Variants in LYPD6 observed in about 807,000 individuals in gnomAD.
LYPD6 encodes ly6/PLAUR domain-containing protein 6.
Under a neutral mutation model 22.7 loss-of-function variants are expected in LYPD6, and 15 were observed. The observed-to-expected ratio is 0.66, with a 90% CI of 0.44 to 1.02. The LOEUF (loss-of-function observed/expected upper bound fraction) is 1.02. Among genes scored for constraint, LYPD6 ranks in the 50% least tolerant of loss-of-function variants. The pLI, the probability that LYPD6 is intolerant of heterozygous loss-of-function variation, is 0.00. For missense variants in LYPD6, 189 were observed against 208.4 expected (o/e 0.91, Z 0.57); for synonymous variants, 72 against 77.5 (o/e 0.93, Z 0.37).
At position 149,473,029 on chromosome 2, in the gene LYPD6, T is replaced by C. The variant is rs890249880; in HGVS notation, c.*2179T>C. The C allele has an allele frequency of 3.3e-5, 5 of 152,524 alleles. No homozygotes were observed. Among genetic ancestry groups the C allele is most frequent in the African/African-American group, 1.2e-4 (5 of 41,464 alleles). 9.4% of individuals were successfully genotyped at this position (152,524 alleles called of 1,614,324 possible). On this transcript the variant is annotated 3_prime_UTR_variant, in exon 5 of 5. Coordinates refer to ENST00000334166, the MANE Select transcript of LYPD6 (RefSeq NM_194317.5). ...TGGCTTCCTCATTCATCCCTCTTGC[T>C]AAAAGAGGAGATAGTTGATGTTGCA...
In LYPD6 at chr2:149,453,865, T is replaced by G. The variant is rs6761460; in HGVS notation, c.217+4718T>G. The stretch of plus-strand genomic sequence containing the variant: ...ATATAGCCCTCCAATTTTTTTTCAT[T>G]TATACAGGAGTCTCTGTTGTCTCTC... On this transcript the variant is annotated intron_variant, in intron 3 of 4. Coordinates refer to ENST00000334166, the MANE Select transcript of LYPD6 (RefSeq NM_194317.5). 7.6e-3 allele frequency among the ~76,000 whole-genome samples: 1,161 copies of G among 152,330 alleles called. 14 individuals carry two copies. Among genetic ancestry groups the G allele is most frequent in the African/African-American group, 0.026 (1,083 of 41,574 alleles).
chr2:149,408,059 T>C (rs181170712), intron 1 of LYPD6, among the ~76,000 whole-genome samples: 1 of 152,274 alleles, frequency 6.6e-6, no homozygotes, highest in African/African-American at 2.4e-5. Flanking sequence ...ATTTTCGTGA[T>C]CTGCGAATGC....
intron 1 of LYPD6, among the ~76,000 whole-genome samples, chr2:149,366,496 G>A (rs1157443098): frequency 6.6e-6 from 1 of 152,160 alleles, no homozygotes; most frequent in Non-Finnish European, 1.5e-5. Context: ...GAGAACCAGA[G>A]CTAGGTGATT....
chr2:149,398,413 T>TTGTG (rs10584410), intron 1 of LYPD6, among the ~76,000 whole-genome samples: 175 of 147,856 alleles, frequency 1.2e-3, no homozygotes, highest in African/African-American at 3.5e-3. Context: ...AAAGATGGCT[T>TTGTG]TGTGTGTGTG....
At chr2:149,481,234 T>TGACAC in the LYPD6 span, among the ~76,000 whole-genome samples, 14 of 152,182 alleles carry the variant, frequency 9.2e-5, no homozygotes, top group Non-Finnish European at 1.8e-4. Flanking sequence ...AGCTAGTAAG[T>TGACAC]GACACAACAA....
At chr2:149,370,035 A>G (rs1681772052) in intron 1 of LYPD6, among the ~76,000 whole-genome samples, 1 of 152,096 alleles carries the variant, frequency 6.6e-6, no homozygotes, top group African/African-American at 2.4e-5. Flanking sequence ...GCTGGCAGGA[A>G]AGTGGGGTGC....
chr2:149,462,123 A>G (rs1681100105), intron 3 of LYPD6, among the ~76,000 whole-genome samples: 1 of 119,268 alleles, frequency 8.4e-6, no homozygotes, highest in Non-Finnish European at 1.9e-5. Flanking sequence ...CACAGACAAC[A>G]TGATTTCTAT....
At chr2:149,396,031 C>T (rs561351662) in intron 1 of LYPD6, among the ~76,000 whole-genome samples, 79 of 152,152 alleles carry the variant, frequency 5.2e-4, no homozygotes, top group Admixed American at 1.3e-3. Context: ...AGAATTTTAA[C>T]GAATATTTAC....
intron 1 of LYPD6, among the ~76,000 whole-genome samples, chr2:149,403,460 T>C (rs2105111785): frequency 6.7e-6 from 1 of 149,456 alleles, no homozygotes; most frequent in Middle Eastern, 3.6e-3. Context: ...GTGGTTTTGA[T>C]TTGCATTTCT....
In LYPD6 at chr2:149,431,615, T is replaced by C. The variant is rs1683314117; in HGVS notation, c.-71-6023T>C. Reference sequence around the variant, plus strand: ...GAATAAACAGTCCTGCCCATCCTGTTTTTCTCATGGAAAAGAGAGGTGGAA... The same window carrying C: ...GAATAAACAGTCCTGCCCATCCTGTCTTTCTCATGGAAAAGAGAGGTGGAA... On this transcript the variant is annotated intron_variant, in intron 1 of 4. Coordinates refer to ENST00000334166, the MANE Select transcript of LYPD6 (RefSeq NM_194317.5). Among the ~76,000 whole-genome samples, 2 of 152,194 alleles carry C rather than the reference T, an allele frequency of 1.3e-5. 1 individual carries two copies. Among genetic ancestry groups the C allele is most frequent in the South Asian group, 4.1e-4 (2 of 4,828 alleles).
At chr2:149,397,895 C>G (rs1682460383) in intron 1 of LYPD6, among the ~76,000 whole-genome samples, 1 of 151,624 alleles carries the variant, frequency 6.6e-6, no homozygotes, top group Non-Finnish European at 1.5e-5. Flanking sequence ...TTTGGAGGTT[C>G]TAGAAAATAT....
intron 1 of LYPD6, among the ~76,000 whole-genome samples, chr2:149,355,595 T>A (rs1262668206): frequency 1.3e-5 from 2 of 152,158 alleles, no homozygotes; most frequent in Non-Finnish European, 2.9e-5. Flanking sequence ...TATGCACATA[T>A]ATCCACATAT....
At position 149,473,583 on chromosome 2, in the gene LYPD6, A is replaced by G. The variant is rs1329613561; in HGVS notation, c.*2733A>G. ...GGATTAATGCCTAAACTTTGTAAAT[A>G]TTGTACAGTTTGTAAATCAATGAAT... On this transcript the variant is annotated 3_prime_UTR_variant, in exon 5 of 5. Coordinates refer to ENST00000334166, the MANE Select transcript of LYPD6 (RefSeq NM_194317.5). The G allele has an allele frequency of 1.3e-5, 2 of 152,328 alleles. No individual in the cohort carries two copies. Among genetic ancestry groups the G allele is most frequent in the Non-Finnish European group, 2.9e-5 (2 of 68,048 alleles). The allele number at this position is 152,328 out of a possible 1,614,324, so 9.4% of individuals were successfully genotyped here. A position where few individuals can be genotyped will look rare whatever the true frequency, so the allele number is the denominator to read the frequency against.
chr2:149,385,437 T>C (rs1293993833), intron 1 of LYPD6, among the ~76,000 whole-genome samples: 1 of 152,186 alleles, frequency 6.6e-6, no homozygotes, highest in Admixed American at 6.6e-5. Context: ...GCCAAAGACA[T>C]TGGCAATTTG....
At chr2:149,467,076 C>G (rs1467802648) in intron 3 of LYPD6, among the ~76,000 whole-genome samples, 1 of 152,220 alleles carries the variant, frequency 6.6e-6, no homozygotes, top group Non-Finnish European at 1.5e-5. Context: ...GCTGCTGCCT[C>G]TTCTTCAACA....
intron 1 of LYPD6, among the ~76,000 whole-genome samples, chr2:149,351,071 T>A (rs1435217940): frequency 6.6e-6 from 1 of 152,168 alleles, no homozygotes; most frequent in African/African-American, 2.4e-5. Context: ...TTTATGGTCT[T>A]AAAGACCTTT....
intron 1 of LYPD6, among the ~76,000 whole-genome samples, chr2:149,404,361 A>C (rs1682641087): frequency 6.6e-6 from 1 of 152,188 alleles, no homozygotes; most frequent in South Asian, 2.1e-4. Context: ...CTTCCTACCC[A>C]TGAGCATGGA....
intron 1 of LYPD6, among the ~76,000 whole-genome samples, chr2:149,371,691 A>G (rs1681813799): frequency 6.6e-6 from 1 of 152,212 alleles, no homozygotes; most frequent in Non-Finnish European, 1.5e-5. Flanking sequence ...CCTGGCACTT[A>G]GCAGGCGTCA....
chr2:149,428,744 T>C (rs1430218785), intron 1 of LYPD6, among the ~76,000 whole-genome samples: 1 of 152,226 alleles, frequency 6.6e-6, no homozygotes, highest in African/African-American at 2.4e-5. Context: ...GGGGGAAGTA[T>C]AGAGCAGAAT....
Sources: gnomAD v4.1 joint callset for allele counts (sites outside exome capture counted in the v4.1 genomes callset) on GRCh38, gnomAD v4.1.1 for gene constraint, MANE v1.5 for transcripts, NCBI Gene and HGNC (gene_info 2026-07-23, HGNC 2026-07-21) for gene names.